The following NEGR1 variants were observed in gnomAD, a reference collection of about 807,000 sequenced individuals.
NEGR1 encodes IgLON family member 4.
In NEGR1, 10 loss-of-function variants were observed where a neutral mutation model predicts 40.9. The ratio of observed to expected loss-of-function variants is 0.24; its 90% CI spans 0.15 to 0.42. The LOEUF is 0.42. NEGR1 is among the 10% of genes least tolerant of loss of function. The pLI, the probability that NEGR1 is intolerant of heterozygous loss-of-function variation, is 1.00. For synonymous variants in NEGR1, 185 were observed against 166.8 expected (o/e 1.11, Z -0.84); for missense variants, 352 against 438.9 (o/e 0.80, Z 1.77).
chr1:72,012,599 T>C (rs1004749389), intron 1 of NEGR1, among the ~76,000 whole-genome samples: 1 of 152,024 alleles, frequency 6.6e-6, no homozygotes, highest in African/African-American at 2.4e-5. Flanking sequence ...ATTTTTTATA[T>C]GCATAAATGG....
At chr1:72,147,290 G>A (rs1350292677) in intron 1 of NEGR1, among the ~76,000 whole-genome samples, 1 of 152,074 alleles carries the variant, frequency 6.6e-6, no homozygotes, top group African/African-American at 2.4e-5. Context: ...TCAGAATCAT[G>A]GCAGGCAGTG....
intron 1 of NEGR1, among the ~76,000 whole-genome samples, chr1:72,188,471 C>A (rs759651082): frequency 9.9e-5 from 15 of 151,392 alleles, no homozygotes; most frequent in Non-Finnish European, 1.5e-4. Flanking sequence ...TATACATATT[C>A]TTTTAGAGCC....
At chr1:72,151,962 A>G (rs1392882834) in intron 1 of NEGR1, among the ~76,000 whole-genome samples, 1 of 151,840 alleles carries the variant, frequency 6.6e-6, no homozygotes, top group Non-Finnish European at 1.5e-5. Flanking sequence ...TGTTTCTCTT[A>G]ATATGGATGC....
At chr1:71,619,750 A>G (rs920131140) in intron 4 of NEGR1, among the ~76,000 whole-genome samples, 9 of 152,062 alleles carry the variant, frequency 5.9e-5, no homozygotes, top group African/African-American at 2.2e-4. Context: ...TAATTTGCTC[A>G]GTGGGATTAT....
At chr1:71,588,375 G>A (rs575902552) in intron 6 of NEGR1, among the ~76,000 whole-genome samples, 6 of 152,064 alleles carry the variant, frequency 3.9e-5, no homozygotes, top group African/African-American at 1.2e-4. Context: ...CATTCCTGAG[G>A]GCTAATATAC....
intron 2 of NEGR1, among the ~76,000 whole-genome samples, chr1:71,872,902 T>A (rs1356524948): frequency 1.3e-5 from 2 of 152,100 alleles, no homozygotes; most frequent in African/African-American, 4.8e-5. Context: ...TCTCTCTTTT[T>A]ACTTCATTTC....
chr1:71,525,601 A>AT (rs1400602541), intron 6 of NEGR1, among the ~76,000 whole-genome samples: 2 of 151,624 alleles, frequency 1.3e-5, no homozygotes, highest in African/African-American at 2.4e-5. Context: ...ACAGAGAATG[A>AT]TTTTTTAACA....
At chr1:71,602,900 C>A (rs987790836) in intron 5 of NEGR1, among the ~76,000 whole-genome samples, 2 of 152,148 alleles carry the variant, frequency 1.3e-5, no homozygotes, top group African/African-American at 4.8e-5. Context: ...AGCTGAAATG[C>A]TTTCAGTTAT....
chr1:71,688,323 TATATAG>T (rs1325183982), intron 4 of NEGR1, among the ~76,000 whole-genome samples: 3 of 112,866 alleles, frequency 2.7e-5, no homozygotes, highest in African/African-American at 6.7e-5. Flanking sequence ...TATATATATA[TATATAG>T]ATAGATAGAT....
chr1:71,924,693 A>T (rs1645755890), intron 2 of NEGR1, among the ~76,000 whole-genome samples: 1 of 152,206 alleles, frequency 6.6e-6, no homozygotes, highest in African/African-American at 2.4e-5. Flanking sequence ...TGTCCCATGT[A>T]AAGTATATTT....
At chr1:72,129,215 A>G (rs1310525081) in intron 1 of NEGR1, among the ~76,000 whole-genome samples, 1 of 152,226 alleles carries the variant, frequency 6.6e-6, no homozygotes, top group East Asian at 1.9e-4. Flanking sequence ...CAGAACCCTG[A>G]GTAATATAAG....
At chr1:72,154,261 T>G (rs190725785) in intron 1 of NEGR1, among the ~76,000 whole-genome samples, 1 of 151,954 alleles carries the variant, frequency 6.6e-6, no homozygotes, top group Non-Finnish European at 1.5e-5. Context: ...TCCTGAGATG[T>G]CAGGAATGTA....
intron 2 of NEGR1, among the ~76,000 whole-genome samples, chr1:71,814,757 AT>A (rs1410431340): frequency 1.3e-5 from 2 of 152,048 alleles, no homozygotes; most frequent in African/African-American, 4.8e-5. Flanking sequence ...CCGTGGTGAT[AT>A]CCCCTGTATC....
chr1:71,762,903 C>CT (rs1322615130), intron 3 of NEGR1, among the ~76,000 whole-genome samples: 2 of 151,978 alleles, frequency 1.3e-5, no homozygotes, highest in African/African-American at 2.4e-5. Context: ...ATGAAGAAAA[C>CT]TAAGTTTGTC....
At position 71,398,202 on chromosome 1, in the gene NEGR1, G is replaced by A. The variant is rs1464356313; in HGVS notation, c.*9244C>T. On this transcript the variant is annotated 3_prime_UTR_variant, in exon 7 of 7. Coordinates refer to ENST00000357731, the MANE Select transcript of NEGR1 (RefSeq NM_173808.3). Reference sequence around the variant, plus strand: ...GAGCCCCACACAGAGTCCCTACTGGGACACCACGTAGTGGAGCTGTGAGAA... The same window carrying A: ...GAGCCCCACACAGAGTCCCTACTGGAACACCACGTAGTGGAGCTGTGAGAA... The A allele has an allele frequency of 6.6e-6, 1 of 152,314 alleles. No homozygotes were observed. Among genetic ancestry groups the A allele is most frequent in the African/African-American group, 2.4e-5 (1 of 41,460 alleles). The allele number at this position is 152,314 out of a possible 1,614,324, so 9.4% of individuals were successfully genotyped here.
rs79518859 is a variant in NEGR1 at position 72,017,635 on chromosome 1, T to C, written c.177-82324A>G. On this transcript the variant is annotated intron_variant, in intron 1 of 6. Transcript: ENST00000357731. ...GAATCAGAGCTTTTCTTAAGACAGA[T>C]GTAGTTGGTCTTTCTTGTAAATCTG... 5.9e-5 allele frequency among the ~76,000 whole-genome samples: 9 copies of C among 152,204 alleles called. No individual in the cohort carries two copies. In the East Asian group the frequency reaches 1.7e-3, roughly 29 times the overall value.
At chr1:72,035,354 C>CAT (rs1646893350) in intron 1 of NEGR1, among the ~76,000 whole-genome samples, 1 of 152,150 alleles carries the variant, frequency 6.6e-6, no homozygotes, top group African/African-American at 2.4e-5. Context: ...AGAACCAGGG[C>CAT]ATATACCTGA....
chr1:71,542,682 C>T lies in NEGR1; in HGVS notation c.940+50135G>A, dbSNP rs375174368. On this transcript the variant is annotated intron_variant, in intron 6 of 6. Transcript: ENST00000357731. ...GAAGAAAATCTTTGCAATGTTTCACCACAACAACATTACTCTAAATATGAC... is the reference window on the plus strand; with the variant it reads ...GAAGAAAATCTTTGCAATGTTTCACTACAACAACATTACTCTAAATATGAC... 8.6e-5 allele frequency among the ~76,000 whole-genome samples: 13 copies of T among 151,844 alleles called. No individual in the cohort carries two copies. In the East Asian group the frequency reaches 2.4e-3, roughly 27 times the overall value.
chr1:72,034,733 G>A (rs1000530568), intron 1 of NEGR1, among the ~76,000 whole-genome samples: 1 of 152,090 alleles, frequency 6.6e-6, no homozygotes. Flanking sequence ...GATAGTTTAC[G>A]AATGATTTTC....
Sources: gnomAD v4.1 joint callset for allele counts (sites outside exome capture counted in the v4.1 genomes callset) on GRCh38, gnomAD v4.1.1 for gene constraint, MANE v1.5 for transcripts, NCBI Gene and HGNC (gene_info 2026-07-23, HGNC 2026-07-21) for gene names.